Variants in DCAF1 observed in about 807,000 individuals in gnomAD.
DCAF1 encodes DDB1 and CUL4 associated factor 1.
Under a neutral mutation model 128.0 loss-of-function variants are expected in DCAF1, and 15 were observed. The observed-to-expected ratio is 0.12, with a 90% CI of 0.08 to 0.18. The LOEUF (loss-of-function observed/expected upper bound fraction) is 0.18. Among genes scored for constraint, DCAF1 ranks in the 10% least tolerant of loss-of-function variants. The pLI is 1.00. For missense variants in DCAF1, 988 were observed against 1,649.5 expected (o/e 0.60, Z 6.95); for synonymous variants, 610 against 603.0 (o/e 1.01, Z -0.17).
chr3:51,460,758 A>G (rs1577221849), intron 6 of DCAF1, among the ~76,000 whole-genome samples: 1 of 152,314 alleles, frequency 6.6e-6, no homozygotes, highest in African/African-American at 2.4e-5. Context: ...ATAATGCCGC[A>G]TATCTACAAC....
At chr3:51,408,453 A>G (rs1452523657) in intron 23 of DCAF1, among the ~76,000 whole-genome samples, 1 of 152,276 alleles carries the variant, frequency 6.6e-6, no homozygotes, top group African/African-American at 2.4e-5. Context: ...AGACTAGGAC[A>G]AAACTTTGAA....
intron 3 of DCAF1, among the ~76,000 whole-genome samples, chr3:51,475,863 A>G (rs1559558002): frequency 7.0e-6 from 1 of 143,124 alleles, no homozygotes; most frequent in South Asian, 2.2e-4. Context: ...TATGTCTCAT[A>G]AAAAAAAAAA....
chr3:51,495,541 T>C (rs1708137852), intron 2 of DCAF1, among the ~76,000 whole-genome samples: 1 of 151,290 alleles, frequency 6.6e-6, no homozygotes, highest in African/African-American at 2.4e-5. Flanking sequence ...TAAAGGAAAA[T>C]ATAAACTTGT....
chr3:51,459,241 C>T lies in DCAF1; in HGVS notation c.375+3873G>A, dbSNP rs143884657. Among the ~76,000 whole-genome samples, 19 of 152,240 alleles carry T rather than the reference C, an allele frequency of 1.2e-4. No individual in the cohort carries two copies. In the East Asian group the frequency reaches 2.5e-3, roughly 20 times the overall value. ...AAAGGGGATATCACAACCGATCCCA[C>T]GGAAATACGAACTACCATCAGAGAA... On this transcript the variant is annotated intron_variant, in intron 6 of 24. Coordinates refer to ENST00000684031, the MANE Select transcript of DCAF1 (RefSeq NM_001387579.1).
chr3:51,466,974 A>G, intron 4 of DCAF1, 98 bp from the exon 5 acceptor site: 1 of 931,168 alleles, frequency 1.1e-6, no homozygotes. Context: ...TGTTATAAGC[A>G]CTAATAAAAT....
Position 51,470,027 on chromosome 3 carries a change from AAAT to A in DCAF1, c.187+899_187+901del, listed in dbSNP as rs1345062989. 5.3e-5 allele frequency among the ~76,000 whole-genome samples: 8 copies of A among 152,290 alleles called. 1 individual carries two copies. The highest frequency in any genetic ancestry group is 3.3e-4 in the Admixed American group (5 of 15,268). On this transcript the variant is annotated intron_variant, in intron 4 of 24. Coordinates refer to ENST00000684031, the MANE Select transcript of DCAF1 (RefSeq NM_001387579.1). Reference sequence around the variant, plus strand: ...CAGAGCAAGATGCCATCTCAAAAAAAAATAATAATAATAAATAAGCCCAAAATA... The same window carrying A: ...CAGAGCAAGATGCCATCTCAAAAAAAAATAATAATAAATAAGCCCAAAATA...
At chr3:51,412,323 G>C in intron 23 of DCAF1, 56 bp downstream of exon 23, 6 of 1,609,762 alleles carry the variant, frequency 3.7e-6, no homozygotes, top group Non-Finnish European at 5.1e-6. Context: ...GCAAAAAGCA[G>C]AGCATAACCT....
Position 51,441,771 on chromosome 3 carries a change from C to T in DCAF1, c.640G>A (p.Val214Met). 6.2e-7 allele frequency: 1 copy of T among 1,613,986 alleles called. No homozygotes were observed. Among genetic ancestry groups the T allele is most frequent in the Non-Finnish European group, 8.5e-7 (1 of 1,179,896 alleles). The change falls in exon 8 of 25, where the codon GTG becomes ATG. Residue 214 changes from valine to methionine, a missense_variant. Val to Met is a conservative substitution (Grantham distance 21, BLOSUM62 1). Coordinates refer to ENST00000684031, the MANE Select transcript of DCAF1 (RefSeq NM_001387579.1). ...EPLLPLDEEA[V>M]DMDYGDMAVD... is the part of the protein sequence containing the mutation. The stretch of plus-strand genomic sequence containing the variant: ...GCCATGTCACCATAGTCCATATCCA[C>T]AGCCTCCTCATCCAGAGGCAAAAGG...
In DCAF1 at chr3:51,478,150, C is replaced by T. The variant is rs1340971472; in HGVS notation, c.110+5569G>A. ...TCCTGAGTAGCTGAGACTACAGGCA[C>T]GTGCCACCACGCCTGGCTAATTTTT... On this transcript the variant is annotated intron_variant, in intron 3 of 24. Coordinates refer to ENST00000684031, the MANE Select transcript of DCAF1 (RefSeq NM_001387579.1). Among the ~76,000 whole-genome samples the T allele has an allele frequency of 6.6e-5, 10 of 151,918 alleles. No individual in the cohort carries two copies. The South Asian group carries it at 1.5e-3, about 22-fold the overall frequency.
At chr3:51,430,248 T>C (rs782767574) in intron 10 of DCAF1, 36 bp from the exon 11 acceptor site, 3 of 763,952 alleles carry the variant, frequency 3.9e-6, no homozygotes, top group Non-Finnish European at 7.4e-6. Flanking sequence ...TGCTTTTAAA[T>C]TGTGGGCAAA....
intron 2 of DCAF1, 28 bp from the exon 3 acceptor site, chr3:51,483,864 A>C (rs782491515): frequency 1.4e-6 from 2 of 1,481,290 alleles, no homozygotes; most frequent in South Asian, 1.1e-5. Context: ...AAAATAAAAA[A>C]GACAACCAAT....
intron 21 of DCAF1, 24 bp from the exon 22 acceptor site, chr3:51,413,090 T>A: frequency 6.2e-7 from 1 of 1,613,576 alleles, no homozygotes; most frequent in Non-Finnish European, 8.5e-7. Context: ...TGTGAGAAGA[T>A]TGGGATTGGA....
chr3:51,443,880 G>A lies in DCAF1; in HGVS notation c.399C>T (p.Phe133=), dbSNP rs1553639603. The change falls in exon 7 of 25, where the codon TTC becomes TTT. Residue 133 remains phenylalanine, a synonymous_variant. Transcript: ENST00000684031. ...QEKEGIVENL[F]KWAREADQPL... ...GTTGATCGGCCTCTCGGGCCCATTT[G>A]AAAAGATTCTCGACAATTCCCTCCT... is the stretch of plus-strand genomic sequence containing the variant. 1 of 1,605,732 alleles carries A rather than the reference G, an allele frequency of 6.2e-7. No homozygotes were observed. Among genetic ancestry groups the A allele is most frequent in the South Asian group, 1.1e-5 (1 of 88,866 alleles).
intron 3 of DCAF1, 106 bp from the exon 4 acceptor site, chr3:51,471,111 GA>G: frequency 1.7e-6 from 1 of 593,090 alleles, no homozygotes; most frequent in Non-Finnish European, 2.9e-6. Flanking sequence ...AGCAAAGTTA[GA>G]AAAAGACTAT....
At chr3:51,428,868 G>A (rs962376694) in intron 12 of DCAF1, among the ~76,000 whole-genome samples, 2 of 152,006 alleles carry the variant, frequency 1.3e-5, no homozygotes, top group Admixed American at 1.3e-4. Context: ...GTGGTGGTGT[G>A]TGCCTATAGT....
intron 2 of DCAF1, among the ~76,000 whole-genome samples, chr3:51,496,403 CACA>C (rs1553661004): frequency 6.6e-6 from 1 of 152,010 alleles, no homozygotes; most frequent in East Asian, 1.9e-4. Flanking sequence ...CTCCAGCTTG[CACA>C]ACAAGAGCAA....
At chr3:51,444,700 G>C (rs1474729544) in intron 6 of DCAF1, among the ~76,000 whole-genome samples, 1 of 147,848 alleles carries the variant, frequency 6.8e-6, no homozygotes, top group Admixed American at 6.8e-5. Flanking sequence ...AATTGAGACA[G>C]AGTCTTGCTC....
intron 3 of DCAF1, 71 bp from the exon 4 acceptor site, chr3:51,471,076 T>C: frequency 4.2e-6 from 4 of 941,728 alleles, no homozygotes; most frequent in Non-Finnish European, 6.5e-6. Context: ...CAACAGTCAA[T>C]TCAACGGTCA....
intron 6 of DCAF1, among the ~76,000 whole-genome samples, chr3:51,459,080 T>C (rs1174244437): frequency 6.6e-6 from 1 of 151,702 alleles, no homozygotes; most frequent in Non-Finnish European, 1.5e-5. Flanking sequence ...CTGAAGGAAA[T>C]AGAGACACAA....
Sources: gnomAD v4.1 joint callset for allele counts (sites outside exome capture counted in the v4.1 genomes callset) on GRCh38, gnomAD v4.1.1 for gene constraint, MANE v1.5 for transcripts, NCBI Gene and HGNC (gene_info 2026-07-23, HGNC 2026-07-21) for gene names.